Variants in SYNPO observed in about 807,000 individuals in gnomAD.
SYNPO encodes the protein synaptopodin.
A neutral mutation model predicts 49.5 loss-of-function variants in SYNPO; 19 were observed. The ratio of observed to expected loss-of-function variants is 0.38; its 90% CI spans 0.27 to 0.56. The LOEUF (loss-of-function observed/expected upper bound fraction) is 0.56. Ranked by LOEUF, SYNPO falls within the 20% of genes least tolerant of loss-of-function variation. The pLI is 0.68. For synonymous variants in SYNPO, 536 were observed against 548.0 expected, an observed-to-expected ratio of 0.98 and a Z score of 0.31; for missense variants, 1,131 against 1,248.3, an observed-to-expected ratio of 0.91 and a Z score of 1.42.
At chr5:150,650,498 C>T (rs2151426444) in intron 2 of SYNPO, 195 bp downstream of exon 2, 2 of 1,489,646 alleles carry the variant, frequency 1.3e-6, no homozygotes, top group Admixed American at 2.2e-5. Context: ...GGGCGAGTCG[C>T]CTCCCCTCTC....
At chr5:150,596,104 C>T (rs1425335876), upstream of SYNPO, among the ~76,000 whole-genome samples, 1 of 152,232 alleles carries the variant, frequency 6.6e-6, no homozygotes, top group South Asian at 2.1e-4. Flanking sequence ...AAACACAGCT[C>T]TCTATAGTTT....
chr5:150,624,984 G>T, intron 2 of SYNPO: 2 of 985,328 alleles, frequency 2.0e-6, no homozygotes, highest in Non-Finnish European at 2.4e-6. Context: ...GCTATTCCCG[G>T]CGCCGCCCAG....
At chr5:150,595,505 G>A in the SYNPO span, among the ~76,000 whole-genome samples, 1 of 152,212 alleles carries the variant, frequency 6.6e-6, no homozygotes, top group Non-Finnish European at 1.5e-5. Flanking sequence ...CCACTCTCTG[G>A]GTAGGCATTA....
intron 1 of SYNPO, among the ~76,000 whole-genome samples, chr5:150,611,518 C>G (rs550598685): frequency 6.6e-6 from 1 of 152,340 alleles, no homozygotes; most frequent in East Asian, 1.9e-4. Flanking sequence ...TACCTCGTGC[C>G]AAGGGCTGGT....
In SYNPO at chr5:150,633,020, T is replaced by A. The variant is rs138163603; in HGVS notation, c.400+14253T>A. Among the ~76,000 whole-genome samples, 339 of 152,304 alleles carry A rather than the reference T, an allele frequency of 2.2e-3. 1 individual carries two copies. Among genetic ancestry groups the A allele is most frequent in the African/African-American group, 7.6e-3 (315 of 41,566 alleles). On this transcript the variant is annotated intron_variant, in intron 2 of 2. Coordinates refer to the SYNPO transcript ENST00000394243. ...ACCCCTCGACCTGGGAAATGACTCA[T>A]GAAATACCATGGTCAGTTAGGACTA... is the stretch of plus-strand genomic sequence containing the variant.
rs1242631409 is a variant in SYNPO, at chr5:150,656,608, G to A, written c.2233G>A (p.Glu745Lys). The A allele has an allele frequency of 6.6e-6, 10 of 1,514,898 alleles. No homozygotes were observed. The East Asian group carries it at 7.9e-5, about 12-fold the overall frequency. 93.8% of individuals were successfully genotyped at this position (1,514,898 alleles called of 1,614,324 possible). Residue 745 changes from glutamate (E) to lysine (K), a missense_variant, in exon 3 of 3, where the codon GAG (glutamate) becomes AAG (lysine). Around this residue, in one of 4 missense-constraint regions of SYNPO, gnomAD observed 509 missense variants for 484.5 expected, o/e 1.05. Coordinates refer to ENST00000307662, the MANE Select transcript of SYNPO (RefSeq NM_007286.6). ...RSVSPLRPETEARPPSRQLQA... is the reference protein window; with the variant it reads ...RSVSPLRPETKARPPSRQLQA... ...GGTGTCCCCGCTGCGACCTGAGACC[G>A]AGGCGCGGCCCCCCAGCCGCCAGCT... is the stretch of plus-strand genomic sequence containing the variant.
intron 2 of SYNPO, among the ~76,000 whole-genome samples, chr5:150,634,741 T>TCCCTGG (rs751447946): frequency 4.7e-4 from 71 of 151,836 alleles, no homozygotes; most frequent in Non-Finnish European, 8.2e-4. Context: ...GGGTCACTTG[T>TCCCTGG]CCCTGGAAGG....
At chr5:150,643,172 G>C (rs982886160) in intron 1 of SYNPO, among the ~76,000 whole-genome samples, 4 of 152,168 alleles carry the variant, frequency 2.6e-5, no homozygotes, top group Non-Finnish European at 5.9e-5. Context: ...GGTGGGAACC[G>C]GCCAGCCAGG....
chr5:150,650,827 T>C (rs1257474420), intron 2 of SYNPO: 3 of 1,278,818 alleles, frequency 2.3e-6, no homozygotes, highest in African/African-American at 3.1e-5. Flanking sequence ...TCTTTCTTCC[T>C]GTTGCTGGAT....
the SYNPO span, among the ~76,000 whole-genome samples, chr5:150,594,990 G>A: frequency 6.6e-6 from 1 of 152,158 alleles, no homozygotes; most frequent in Non-Finnish European, 1.5e-5. Flanking sequence ...AAGCAGGCAT[G>A]ATTGCTTCAC....
intron 2 of SYNPO, among the ~76,000 whole-genome samples, chr5:150,620,899 C>CTTCTTTCTT (rs1014762340): frequency 1.8e-5 from 2 of 108,922 alleles, no homozygotes; most frequent in African/African-American, 6.8e-5. Context: ...TTCTTTTTTT[C>CTTCTTTCTT]TCTTTCTTTC....
At chr5:150,592,372 C>T in the SYNPO span, among the ~76,000 whole-genome samples, 1 of 152,042 alleles carries the variant, frequency 6.6e-6, no homozygotes, top group South Asian at 2.1e-4. Context: ...AATCTGGCAA[C>T]CCCACCCTCA....
Position 150,649,240 on chromosome 5 carries a change from C to T in SYNPO, c.965C>T (p.Thr322Ile). The change falls in exon 2 of 3, where the codon ACT becomes ATT. Residue 322 changes from threonine (T) to isoleucine (I), a missense_variant. Physicochemically the swap from Thr to Ile is moderately conservative, Grantham distance 89. This residue lies in a region of SYNPO where 602 missense variants were observed against 720.7 expected (regional missense o/e 0.84). Transcript: ENST00000307662. ...LGNFTAPPTYTETLSTAPLAS... is the reference protein window; with the variant it reads ...LGNFTAPPTYIETLSTAPLAS... ...AACTTCACTGCACCCCCCACCTACA[C>T]TGAGACCTTGTCCACAGCCCCTCTG... is the stretch of plus-strand genomic sequence containing the variant. The T allele has an allele frequency of 6.2e-7, 1 of 1,614,178 alleles. No homozygotes were observed. Among genetic ancestry groups the T allele is most frequent in the East Asian group, 2.2e-5 (1 of 44,878 alleles).
rs575650485 is a variant in SYNPO at position 150,621,412 on chromosome 5, A to G, written c.400+2645A>G. Among the ~76,000 whole-genome samples the G allele has an allele frequency of 9.2e-5, 14 of 152,310 alleles. No individual in the cohort carries two copies. In the East Asian group the frequency reaches 2.5e-3, roughly 27 times the overall value. On this transcript the variant is annotated intron_variant, in intron 2 of 2. Transcript: ENST00000394243. The stretch of plus-strand genomic sequence containing the variant: ...GGAAGCTGGGTCTTGCAGGAGAGTC[A>G]AAATCCGGTGGTCTTGGGTCAGAGC...
chr5:150,600,611 A>G (rs1756504309), upstream of SYNPO, among the ~76,000 whole-genome samples: 1 of 152,040 alleles, frequency 6.6e-6, no homozygotes, highest in Admixed American at 6.5e-5. Context: ...GGGTTAAGGG[A>G]TCCGGGAAAG....
chr5:150,618,512 G>A (rs1257739026), exon 2 of SYNPO: 2 of 1,551,222 alleles, frequency 1.3e-6, no homozygotes, highest in Non-Finnish European at 8.7e-7. Context: ...CCTGCAGGGA[G>A]AGGTGGGGCC....
chr5:150,649,285 C>T lies in SYNPO; in HGVS notation c.1010C>T (p.Pro337Leu), dbSNP rs371693430. 8 of 1,614,212 alleles carry T rather than the reference C, an allele frequency of 5.0e-6. No individual in the cohort carries two copies. Among genetic ancestry groups the T allele is most frequent in the Non-Finnish European group, 6.8e-6 (8 of 1,180,020 alleles). ...TAPLASWVRS[P>L]PSYSVLYPSS... ...CCTCTGGCTTCCTGGGTGAGGTCTC[C>T]TCCCTCATATTCTGTCCTGTATCCC... Residue 337 changes from proline to leucine, a missense_variant, in exon 2 of 3, where the codon CCT becomes CTT. Around this residue, in one of 4 missense-constraint regions of SYNPO, gnomAD observed 602 missense variants for 720.7 expected, o/e 0.84. Transcript: ENST00000307662.
chr5:150,630,354 G>C (rs1423863203), intron 2 of SYNPO, among the ~76,000 whole-genome samples: 1 of 152,192 alleles, frequency 6.6e-6, no homozygotes, highest in Non-Finnish European at 1.5e-5. Context: ...CAGAGGACAC[G>C]CTTCATCCCT....
intron 2 of SYNPO, chr5:150,625,046 CA>C (rs2151378712): frequency 2.3e-6 from 2 of 886,978 alleles, no homozygotes; most frequent in African/African-American, 3.6e-5. Context: ...TGACCTTGGC[CA>C]AGTCGCTTCT....
Sources: allele counts gnomAD v4.1 joint callset (sites outside exome capture counted in the v4.1 genomes callset), GRCh38; gene constraint gnomAD v4.1.1; regional missense constraint gnomAD v4.1.1; transcripts MANE v1.5; gene names NCBI Gene and HGNC (gene_info 2026-07-23, HGNC 2026-07-21).